The following HIVEP3 variants were observed in gnomAD, a reference collection of about 807,000 sequenced individuals.
HIVEP3 encodes the protein transcription factor HIVEP3.
A neutral mutation model predicts 152.8 loss-of-function variants in HIVEP3; 49 were observed. The ratio of observed to expected loss-of-function variants is 0.32; its 90% CI spans 0.26 to 0.41. The LOEUF is 0.41. Among genes scored for constraint, HIVEP3 ranks in the 10% least tolerant of loss-of-function variants. The pLI, the probability that HIVEP3 is intolerant of heterozygous loss-of-function variation, is 1.00. For missense variants in HIVEP3, 2,790 were observed against 3,103.3 expected (o/e 0.90, Z 2.40); for synonymous variants, 1,269 against 1,289.0 (o/e 0.98, Z 0.33).
chr1:41,511,162 G>A lies in HIVEP3; in HGVS notation c.6510C>T (p.Ala2170=). The change falls in exon 9 of 9, where the codon GCC becomes GCT. Residue 2170 remains alanine, a synonymous_variant. Coordinates refer to ENST00000372583, the MANE Select transcript of HIVEP3 (RefSeq NM_024503.5). This position sits in a 1 kb window ranked among gnomAD's most constrained non-coding sequence, Gnocchi z 4.9. ...ALHDFHGHIL[A]RTEENIFSHL... The stretch of plus-strand genomic sequence containing the variant: ...GGCTGAAGATGTTCTCCTCTGTCCG[G>A]GCCAGGATGTGGCCGTGGAAGTCAT... 6.2e-7 allele frequency: 1 copy of A among 1,614,182 alleles called. No homozygotes were observed. Among genetic ancestry groups the A allele is most frequent in the Non-Finnish European group, 8.5e-7 (1 of 1,180,026 alleles).
intron 2 of HIVEP3, among the ~76,000 whole-genome samples, chr1:41,660,068 G>A (rs1022989810): frequency 3.3e-5 from 5 of 152,284 alleles, no homozygotes; most frequent in South Asian, 4.2e-4. Context: ...TTGTGTGTGC[G>A]AATGAGTGAA....
intron 2 of HIVEP3, among the ~76,000 whole-genome samples, chr1:41,699,753 T>G (rs1436965881): frequency 6.6e-6 from 1 of 152,124 alleles, no homozygotes; most frequent in East Asian, 1.9e-4. Context: ...ATTGAGGTTC[T>G]GTAGATTCTG....
chr1:41,710,871 A>G (rs1646502889), intron 1 of HIVEP3, among the ~76,000 whole-genome samples: 1 of 152,210 alleles, frequency 6.6e-6, no homozygotes. Context: ...TCAGCTAAGA[A>G]TTTGACATGG....
intron 5 of HIVEP3, among the ~76,000 whole-genome samples, chr1:41,553,256 C>T (rs1359066140): frequency 6.6e-6 from 1 of 152,258 alleles, no homozygotes; most frequent in South Asian, 2.1e-4. Context: ...TATGTAATGG[C>T]CTTCTTTGTC....
At chr1:41,867,192 C>G (rs1643993172) in intron 1 of HIVEP3, among the ~76,000 whole-genome samples, 1 of 152,140 alleles carries the variant, frequency 6.6e-6, no homozygotes, top group Non-Finnish European at 1.5e-5. Context: ...AGCTCAGGGC[C>G]AGCCTCCGAG....
At chr1:41,630,579 C>G (rs1213838773) in intron 2 of HIVEP3, among the ~76,000 whole-genome samples, 1 of 152,208 alleles carries the variant, frequency 6.6e-6, no homozygotes, top group Non-Finnish European at 1.5e-5. Flanking sequence ...CAGGAGCTGA[C>G]AGCAACCCCG....
intron 1 of HIVEP3, among the ~76,000 whole-genome samples, chr1:41,957,783 A>G (rs1014796133): frequency 3.3e-5 from 5 of 152,192 alleles, no homozygotes; most frequent in African/African-American, 1.2e-4. Context: ...CTCAGTCTGA[A>G]TCACTCCCTG....
At chr1:41,832,271 T>G (rs1642984807) in intron 1 of HIVEP3, among the ~76,000 whole-genome samples, 3 of 152,200 alleles carry the variant, frequency 2.0e-5, no homozygotes, top group Admixed American at 6.5e-5. Flanking sequence ...CTCATGCCTG[T>G]GATCCCAGCC....
At chr1:41,775,594 G>A (rs1422175468) in intron 1 of HIVEP3, among the ~76,000 whole-genome samples, 2 of 152,082 alleles carry the variant, frequency 1.3e-5, no homozygotes, top group Non-Finnish European at 2.9e-5. Flanking sequence ...GGGTTCAAAC[G>A]ATTCTCCTGC....
Position 41,583,063 on chromosome 1 carries a change from C to A in HIVEP3, c.1735G>T (p.Val579Leu), listed in dbSNP as rs547377843. Reference sequence around the variant, plus strand: ...AGCATCCGGGGGTGGGAGGTAAACACGTGACTGCTGTGGCTCAGGGCTTCG... The same window carrying A: ...AGCATCCGGGGGTGGGAGGTAAACAAGTGACTGCTGTGGCTCAGGGCTTCG... ...DSEALSHSSHVFTSHPRMLKR... is the reference protein window; with the variant it reads ...DSEALSHSSHLFTSHPRMLKR... The change falls in exon 4 of 9, where the codon GTG becomes TTG. Residue 579 changes from valine (V) to leucine (L), a missense_variant. Physicochemically the swap from Val to Leu is conservative, Grantham distance 32. Transcript: ENST00000372583. This position sits in a 1 kb window ranked among gnomAD's most constrained non-coding sequence, Gnocchi z 6.9. The A allele has an allele frequency of 5.6e-6, 9 of 1,613,836 alleles. No homozygotes were observed. The East Asian group carries it at 1.8e-4, about 32-fold the overall frequency.
At chr1:41,947,753 C>A (rs573425013) in intron 1 of HIVEP3, among the ~76,000 whole-genome samples, 1 of 152,170 alleles carries the variant, frequency 6.6e-6, no homozygotes, top group Non-Finnish European at 1.5e-5. Context: ...CCATGGCATA[C>A]CTGAGTAAGG....
chr1:41,798,360 G>A (rs2124308505), intron 1 of HIVEP3, among the ~76,000 whole-genome samples: 2 of 151,556 alleles, frequency 1.3e-5, no homozygotes, highest in South Asian at 4.2e-4. Flanking sequence ...TCCCTTGTCA[G>A]CACCATTGAG....
intron 3 of HIVEP3, among the ~76,000 whole-genome samples, chr1:41,593,261 T>C (rs1644614556): frequency 6.6e-6 from 1 of 152,230 alleles, no homozygotes; most frequent in Admixed American, 6.5e-5. Flanking sequence ...CTACAGTTAA[T>C]TTAATATATG....
chr1:41,708,495 C>T (rs1361824592), intron 1 of HIVEP3, among the ~76,000 whole-genome samples: 1 of 152,148 alleles, frequency 6.6e-6, no homozygotes, highest in Non-Finnish European at 1.5e-5. Flanking sequence ...TTTGCCAGGC[C>T]CTGACTCTGC....
chr1:41,995,332 T>G lies in HIVEP3; in HGVS notation n.119+40475A>C, dbSNP rs565605549. Among the ~76,000 whole-genome samples, 5 of 152,240 alleles carry G rather than the reference T, an allele frequency of 3.3e-5. No individual in the cohort carries two copies. The South Asian group carries it at 6.2e-4, about 19-fold the overall frequency. ...GTAGTTGTCTTCCCAGCAGAAACAGTGGAGGCTATAGACAATAAAATGATA... is the reference window on the plus strand; with the variant it reads ...GTAGTTGTCTTCCCAGCAGAAACAGGGGAGGCTATAGACAATAAAATGATA... On this transcript the variant is annotated intron_variant and non_coding_transcript_variant, in intron 1 of 3. Transcript: ENST00000489103.
chr1:41,675,371 G>A (rs994172345), intron 2 of HIVEP3, among the ~76,000 whole-genome samples: 7 of 152,024 alleles, frequency 4.6e-5, no homozygotes, highest in African/African-American at 7.3e-5. Context: ...CACATCCAGC[G>A]GACTCCTCTT....
chr1:41,825,319 G>T (rs1427558280), intron 1 of HIVEP3, among the ~76,000 whole-genome samples: 1 of 152,040 alleles, frequency 6.6e-6, no homozygotes, highest in East Asian at 1.9e-4. Context: ...ACATTCACAA[G>T]GACCAGGAAT....
chr1:41,652,973 G>T (rs1385936925), intron 2 of HIVEP3, among the ~76,000 whole-genome samples: 1 of 152,092 alleles, frequency 6.6e-6, no homozygotes, highest in Non-Finnish European at 1.5e-5. Context: ...ACCGCACGTA[G>T]GGAAGGGAAA....
At chr1:41,876,181 A>G (rs998908344) in intron 1 of HIVEP3, among the ~76,000 whole-genome samples, 1 of 152,128 alleles carries the variant, frequency 6.6e-6, no homozygotes, top group African/African-American at 2.4e-5. Flanking sequence ...AAATTTTTAA[A>G]TGATAACCTG....
Sources: gnomAD v4.1 joint callset for allele counts (sites outside exome capture counted in the v4.1 genomes callset) on GRCh38, gnomAD v4.1.1 for gene constraint, Gnocchi (gnomAD v3.1) non-coding constraint, MANE v1.5 for transcripts, NCBI Gene and HGNC (gene_info 2026-07-23, HGNC 2026-07-21) for gene names.